Variants in CLEC10A observed in about 807,000 individuals in gnomAD.
CLEC10A encodes C-type lectin domain family 10 member A.
A neutral mutation model predicts 42.0 loss-of-function variants in CLEC10A; 38 were observed. The ratio of observed to expected loss-of-function variants is 0.90; its 90% CI spans 0.70 to 1.18. The LOEUF (loss-of-function observed/expected upper bound fraction) is 1.18. Ranked by LOEUF, CLEC10A falls within the 50% of genes most tolerant of loss-of-function variation. CLEC10A has a pLI of 0.00. For synonymous variants in CLEC10A, 126 were observed against 139.9 expected (o/e 0.90, Z 0.70); for missense variants, 298 against 345.9 (o/e 0.86, Z 1.10).
intron 3 of CLEC10A, among the ~76,000 whole-genome samples, chr17:7,077,389 C>T (rs900521803): frequency 1.4e-5 from 2 of 143,074 alleles, no homozygotes; most frequent in African/African-American, 5.1e-5. Flanking sequence ...CATCAGTGCC[C>T]CCCACTATTC....
At chr17:7,076,114 G>A (rs1471938780) in intron 5 of CLEC10A, 43 bp from the exon 6 acceptor site, 1 of 1,613,988 alleles carries the variant, frequency 6.2e-7, no homozygotes, top group African/African-American at 1.3e-5. Context: ...TGGCCTAGGT[G>A]TGCCTTCTGC....
chr17:7,077,506 C>T (rs1292113088), intron 3 of CLEC10A, among the ~76,000 whole-genome samples: 28 of 111,768 alleles, frequency 2.5e-4, no homozygotes, highest in Non-Finnish European at 3.9e-4. Flanking sequence ...CACCACCATT[C>T]CCATCAATCA....
chr17:7,078,848 G>A lies in CLEC10A; in HGVS notation c.-36C>T, dbSNP rs749917254. On this transcript the variant is annotated 5_prime_UTR_variant, in exon 2 of 9. Transcript: ENST00000416562. ...ACACGGCTCTGAGGTTGTCACAGCT[G>A]AAATGGAGGCAGGGCCGGCGCCCAG... 45 of 1,608,408 alleles carry A rather than the reference G, an allele frequency of 2.8e-5. No individual in the cohort carries two copies. Among genetic ancestry groups the A allele is most frequent in the Non-Finnish European group, 1.7e-6 (2 of 1,174,934 alleles).
At chr17:7,078,228 G>A in intron 2 of CLEC10A, 115 bp from the exon 3 acceptor site, 1 of 720,142 alleles carries the variant, frequency 1.4e-6, no homozygotes, top group African/African-American at 1.8e-5. Flanking sequence ...CTCCAGGGGA[G>A]GGTTGGACAA....
chr17:7,076,196 C>T (rs1416497385), intron 5 of CLEC10A, 125 bp from the exon 6 acceptor site: 5 of 1,577,556 alleles, frequency 3.2e-6, no homozygotes, highest in Admixed American at 3.5e-5. Flanking sequence ...CGCCCCCACC[C>T]ACCCCCTACA....
In CLEC10A at chr17:7,075,879, G is replaced by A; in HGVS notation, c.446C>T (p.Thr149Ile). The change falls in exon 7 of 9, where the codon ACT becomes ATT. Residue 149 changes from threonine to isoleucine, a missense_variant. Physicochemically the swap from Thr to Ile is moderately conservative, Grantham distance 89. Transcript: ENST00000416562. ...QVATLNNNAS[T>I]EGTCCPVNWV... ...GTTGACAGGGCAGCAGGTCCCTTCA[G>A]TGGAGGCTGATTGGGGAGAAATAGG... is the stretch of plus-strand genomic sequence containing the variant. 6.2e-7 allele frequency: 1 copy of A among 1,606,800 alleles called. No homozygotes were observed. The highest frequency in any genetic ancestry group is 8.5e-7 in the Non-Finnish European group (1 of 1,178,492).
intron 7 of CLEC10A, 68 bp downstream of exon 7, chr17:7,075,663 C>G: frequency 6.2e-7 from 1 of 1,607,726 alleles, no homozygotes; most frequent in Non-Finnish European, 8.5e-7. Context: ...TTCCAATGTG[C>G]GGCCAAGCTT....
At position 7,074,794 on chromosome 17, in the gene CLEC10A, C is replaced by T. The variant is rs1911617862; in HGVS notation, c.*260G>A. ...GCATGCATATTTGTCAAAGTCATCTCTACTCTTTAAATGAGTGCATTTTTA... is the reference window on the plus strand; with the variant it reads ...GCATGCATATTTGTCAAAGTCATCTTTACTCTTTAAATGAGTGCATTTTTA... On this transcript the variant is annotated 3_prime_UTR_variant, in exon 9 of 9. Transcript: ENST00000416562. 6.3e-6 allele frequency: 2 copies of T among 318,518 alleles called. No individual in the cohort carries two copies. Among genetic ancestry groups the T allele is most frequent in the Non-Finnish European group, 1.1e-5 (2 of 177,140 alleles). 19.7% of individuals were successfully genotyped at this position (318,518 alleles called of 1,614,324 possible). A position where few individuals can be genotyped will look rare whatever the true frequency, so the allele number is the denominator to read the frequency against.
intron 1 of CLEC10A, 36 bp from the exon 2 acceptor site, chr17:7,078,921 A>G: frequency 5.2e-6 from 5 of 969,588 alleles, no homozygotes; most frequent in Non-Finnish European, 8.4e-6. Context: ...GTTGGAGCCA[A>G]GGGCAGGGCT....
intron 8 of CLEC10A, 39 bp from the exon 9 acceptor site, chr17:7,075,261 T>TG: frequency 6.6e-7 from 1 of 1,508,658 alleles, no homozygotes; most frequent in East Asian, 2.4e-5. Context: ...GAAGGGTAGA[T>TG]GGAGTAGAAT....
intron 2 of CLEC10A, chr17:7,078,509 C>G (rs1405062137): frequency 3.5e-6 from 2 of 566,694 alleles, no homozygotes; most frequent in African/African-American, 3.8e-5. Flanking sequence ...TCCACCAATG[C>G]GCAGCTCTCA....
At position 7,077,995 on chromosome 17, in the gene CLEC10A, A is replaced by G. The variant is rs143183688; in HGVS notation, c.184+2T>C. The G allele has an allele frequency of 2.7e-5, 43 of 1,605,418 alleles. No homozygotes were observed. In the Admixed American group the frequency reaches 6.0e-4, roughly 22 times the overall value. On this transcript the variant is annotated splice_donor_variant, in intron 3 of 8. Coordinates refer to ENST00000416562, the MANE Select transcript of CLEC10A (RefSeq NM_001330070.2). LOFTEE classifies it high-confidence loss of function. ...TTCCCTGTCCACCCCTGTGACCCTC[A>G]CTTTGGAATCCAACCACACAGATGA...
At chr17:7,075,310 G>C in intron 8 of CLEC10A, 50 bp downstream of exon 8, 1 of 1,507,630 alleles carries the variant, frequency 6.6e-7, no homozygotes, top group Non-Finnish European at 8.9e-7. Context: ...CAGATCCCTG[G>C]GGGAAACGCT....
In CLEC10A at chr17:7,078,091, G is replaced by A. The variant is rs1464306073; in HGVS notation, c.90C>T (p.Leu30=). The A allele has an allele frequency of 1.2e-6, 2 of 1,613,494 alleles. No homozygotes were observed. The highest frequency in any genetic ancestry group is 2.2e-5 in the East Asian group (1 of 44,884). The change falls in exon 3 of 9, where the codon CTC becomes CTT. Residue 30 remains leucine (L), a synonymous_variant. Coordinates refer to ENST00000416562, the MANE Select transcript of CLEC10A (RefSeq NM_001330070.2). ...AGGGCCCAGAGCAGAGACGCTGCAG[G>A]AGGGACTGGAGAGGAAGTGGCCCTG... is the stretch of plus-strand genomic sequence containing the variant. The part of the protein sequence containing the change: ...FKNGPLPLQS[L]LQRLCSGPCH...
chr17:7,077,977 T>C lies in CLEC10A; in HGVS notation c.184+20A>G. 6.4e-7 allele frequency: 1 copy of C among 1,555,892 alleles called. No individual in the cohort carries two copies. The highest frequency in any genetic ancestry group is 2.2e-5 in the East Asian group (1 of 44,510). On this transcript the variant is annotated intron_variant, in intron 3 of 8. Transcript: ENST00000416562. ...TACCCCATTATTTCTCTCTTCCCTGTCCACCCCTGTGACCCTCACTTTGGA... is the reference window on the plus strand; with the variant it reads ...TACCCCATTATTTCTCTCTTCCCTGCCCACCCCTGTGACCCTCACTTTGGA...
In CLEC10A at chr17:7,078,104, G is replaced by A. The variant is rs747280103; in HGVS notation, c.77C>T (p.Pro26Leu). 2.5e-6 allele frequency: 4 copies of A among 1,612,566 alleles called. No homozygotes were observed. Among genetic ancestry groups the A allele is most frequent in the Non-Finnish European group, 3.4e-6 (4 of 1,178,884 alleles). ...KVQGFKNGPLPLQSLLQRLCS... is the reference protein window; with the variant it reads ...KVQGFKNGPLLLQSLLQRLCS... ...GAGACGCTGCAGGAGGGACTGGAGA[G>A]GAAGTGGCCCTGCAAGAGGAGAGAG... is the stretch of plus-strand genomic sequence containing the variant. The change falls in exon 3 of 9, where the codon CCT (proline) becomes CTT (leucine). Residue 26 changes from proline (P) to leucine (L), a missense_variant. This residue lies in a region of CLEC10A where 27 missense variants were observed against 37.0 expected (regional missense o/e 0.73). Transcript: ENST00000416562.
intron 5 of CLEC10A, 121 bp from the exon 6 acceptor site, chr17:7,076,192 C>G (rs780063724): frequency 1.9e-6 from 3 of 1,586,384 alleles, no homozygotes; most frequent in East Asian, 4.5e-5. Flanking sequence ...TTCCCGCCCC[C>G]ACCCACCCCC....
At chr17:7,075,563 G>GAGTT in intron 7 of CLEC10A, 97 bp from the exon 8 acceptor site, 1 of 1,404,096 alleles carries the variant, frequency 7.1e-7, no homozygotes. Flanking sequence ...ATCAACTGAG[G>GAGTT]AGTTTGGAGA....
rs750670025 is a variant in CLEC10A at position 7,076,713 on chromosome 17, A to G, written c.352+20T>C. ...TCTGAGCGCCTAGCCCCCCACACCC[A>G]TACTCGGAGGGTCTCTCACCTGCCT... On this transcript the variant is annotated intron_variant, in intron 5 of 8. Transcript: ENST00000416562. 2 of 1,612,760 alleles carry G rather than the reference A, an allele frequency of 1.2e-6. No homozygotes were observed. The highest frequency in any genetic ancestry group is 3.3e-4 in the Middle Eastern group (2 of 6,036).
Sources: allele counts gnomAD v4.1 joint callset (sites outside exome capture counted in the v4.1 genomes callset), GRCh38; gene constraint gnomAD v4.1.1; regional missense constraint gnomAD v4.1.1; transcripts MANE v1.5; gene names NCBI Gene and HGNC (gene_info 2026-07-23, HGNC 2026-07-21).